Variants in AGBL4 observed in about 807,000 individuals in gnomAD.
AGBL4 encodes cytosolic carboxypeptidase 6.
A neutral mutation model predicts 66.4 loss-of-function variants in AGBL4; 58 were observed. The ratio of observed to expected loss-of-function variants is 0.87; its 90% CI spans 0.71 to 1.09. The LOEUF is 1.09. AGBL4 is among the 50% of genes least tolerant of loss of function. The pLI, the probability that AGBL4 is intolerant of heterozygous loss-of-function variation, is 0.00. For missense variants in AGBL4, 579 were observed against 631.0 expected, an observed-to-expected ratio of 0.92 and a Z score of 0.88; for synonymous variants, 234 against 222.9, an observed-to-expected ratio of 1.05 and a Z score of -0.44.
At chr1:49,364,553 C>CTGCA (rs895330260) in intron 3 of AGBL4, among the ~76,000 whole-genome samples, 1 of 152,044 alleles carries the variant, frequency 6.6e-6, no homozygotes, top group Middle Eastern at 3.4e-3. Context: ...TCTCAGCTTG[C>CTGCA]TGCAACCTCT....
intron 1 of AGBL4, among the ~76,000 whole-genome samples, chr1:50,018,386 C>T (rs1662152161): frequency 6.6e-6 from 1 of 152,056 alleles, no homozygotes; most frequent in East Asian, 1.9e-4. Flanking sequence ...ATGGTGAACA[C>T]TATCAATGAA....
chr1:48,763,254 G>A (rs1481140816), intron 6 of AGBL4, among the ~76,000 whole-genome samples: 1 of 152,080 alleles, frequency 6.6e-6, no homozygotes, highest in Non-Finnish European at 1.5e-5. Flanking sequence ...AGCAATCCTT[G>A]GGTTCCTATT....
chr1:50,001,929 A>G (rs955937828), intron 1 of AGBL4, among the ~76,000 whole-genome samples: 4 of 152,178 alleles, frequency 2.6e-5, no homozygotes, highest in African/African-American at 7.2e-5. Flanking sequence ...CTGGTCTAAG[A>G]GAAACTTAAT....
intron 12 of AGBL4, among the ~76,000 whole-genome samples, chr1:48,538,345 A>G (rs997658473): frequency 6.6e-6 from 1 of 152,190 alleles, no homozygotes. Flanking sequence ...GCTGGGCACT[A>G]TACTAAGCTT....
intron 4 of AGBL4, among the ~76,000 whole-genome samples, chr1:49,072,315 G>A (rs900852767): frequency 1.3e-5 from 2 of 152,164 alleles, no homozygotes; most frequent in Non-Finnish European, 2.9e-5. Flanking sequence ...TTGCCCATTA[G>A]TTGATGCTGT....
rs561274262 is a variant in AGBL4 at position 49,852,584 on chromosome 1, C to G, written c.35-1066G>C. On this transcript the variant is annotated intron_variant, in intron 1 of 13. Transcript: ENST00000371839. ...GGCATGAAGTCTCTTATGGGAAAAA[C>G]AGCCTTACACGACTAGGGGAGAAAT... Among the ~76,000 whole-genome samples the G allele has an allele frequency of 4.6e-5, 7 of 152,194 alleles. No individual in the cohort carries two copies. In the South Asian group the frequency reaches 1.0e-3, roughly 23 times the overall value.
At chr1:49,619,056 C>T (rs1645306112) in intron 3 of AGBL4, among the ~76,000 whole-genome samples, 1 of 152,060 alleles carries the variant, frequency 6.6e-6, no homozygotes, top group Non-Finnish European at 1.5e-5. Flanking sequence ...CGAAAACTGG[C>T]AAAAGACAAG....
intron 1 of AGBL4, among the ~76,000 whole-genome samples, chr1:49,916,216 G>A (rs993688917): frequency 4.6e-5 from 7 of 152,152 alleles, no homozygotes; most frequent in East Asian, 1.9e-4. Context: ...CGCCAGCAAC[G>A]GAACAAAGCT....
chr1:48,555,290 A>G (rs1644305233), intron 11 of AGBL4, among the ~76,000 whole-genome samples: 1 of 152,164 alleles, frequency 6.6e-6, no homozygotes, highest in South Asian at 2.1e-4. Context: ...CAGGAATACA[A>G]TTGCATACAA....
chr1:49,324,928 G>T lies in AGBL4; in HGVS notation c.283-79064C>A, dbSNP rs746603993. On this transcript the variant is annotated intron_variant, in intron 3 of 13. Coordinates refer to ENST00000371839, the MANE Select transcript of AGBL4 (RefSeq NM_032785.4). ...ACACAGTCCTTATATTAGGAACATG[G>T]AGAGAAAAAAGGAGGAATATTGTCA... 2.0e-5 allele frequency among the ~76,000 whole-genome samples: 3 copies of T among 152,084 alleles called. No individual in the cohort carries two copies. In the East Asian group the frequency reaches 5.8e-4, roughly 29 times the overall value.
intron 1 of AGBL4, among the ~76,000 whole-genome samples, chr1:50,018,454 T>G (rs1662158071): frequency 6.6e-6 from 1 of 152,140 alleles, no homozygotes; most frequent in African/African-American, 2.4e-5. Context: ...CAAATTCATC[T>G]AAGAATGAAA....
intron 4 of AGBL4, among the ~76,000 whole-genome samples, chr1:49,109,076 A>C (rs1645354812): frequency 6.6e-6 from 1 of 152,172 alleles, no homozygotes; most frequent in Admixed American, 6.5e-5. Context: ...CCTTTTTCAA[A>C]AAACTTTACC....
intron 3 of AGBL4, among the ~76,000 whole-genome samples, chr1:49,584,920 G>C (rs979510572): frequency 6.6e-6 from 1 of 152,156 alleles, no homozygotes; most frequent in Non-Finnish European, 1.5e-5. Context: ...CAGCTTGTAA[G>C]TTGCAGAACC....
intron 3 of AGBL4, among the ~76,000 whole-genome samples, chr1:49,466,026 T>C (rs183665009): frequency 6.6e-6 from 1 of 151,882 alleles, no homozygotes; most frequent in Admixed American, 6.6e-5. Context: ...AGGCCCATGG[T>C]AGAGTAGCAT....
At chr1:49,878,292 C>G (rs947784144) in intron 1 of AGBL4, among the ~76,000 whole-genome samples, 4 of 149,624 alleles carry the variant, frequency 2.7e-5, no homozygotes, top group Admixed American at 6.7e-5. Flanking sequence ...CTCTTGTGGG[C>G]ATTTAGTGCT....
At chr1:49,343,036 A>AAAAG (rs1645571455) in intron 3 of AGBL4, among the ~76,000 whole-genome samples, 1 of 152,164 alleles carries the variant, frequency 6.6e-6, no homozygotes, top group Non-Finnish European at 1.5e-5. Flanking sequence ...CAACCAAGCT[A>AAAAG]TACATATATT....
chr1:49,672,280 A>G (rs1646492071), intron 3 of AGBL4, among the ~76,000 whole-genome samples: 1 of 151,872 alleles, frequency 6.6e-6, no homozygotes, highest in Admixed American at 6.6e-5. Flanking sequence ...TGAGAGCTAA[A>G]TGATAAGAAC....
chr1:49,227,017 C>A (rs963646360), intron 4 of AGBL4, among the ~76,000 whole-genome samples: 6 of 152,080 alleles, frequency 3.9e-5, no homozygotes, highest in African/African-American at 1.4e-4. Flanking sequence ...TCCCATTCAC[C>A]AAGGCTCCAC....
rs10568742 is a variant in AGBL4, at chr1:48,543,381, A to ACCAT, written c.1268-3647_1268-3644dup. Among the ~76,000 whole-genome samples, 693 of 148,610 alleles carry ACCAT rather than the reference A, an allele frequency of 4.7e-3. 2 individuals carry two copies. Among genetic ancestry groups the ACCAT allele is most frequent in the Admixed American group, 6.7e-3 (99 of 14,880 alleles). On this transcript the variant is annotated intron_variant, in intron 11 of 13. Transcript: ENST00000371839. The stretch of plus-strand genomic sequence containing the variant: ...GTGAGTAACAGTGCAGAAATGATTT[A>ACCAT]CCATCCATCCATCCATCCATCCATC...
Sources: gnomAD v4.1 joint callset for allele counts (sites outside exome capture counted in the v4.1 genomes callset) on GRCh38, gnomAD v4.1.1 for gene constraint, MANE v1.5 for transcripts, NCBI Gene and HGNC (gene_info 2026-07-23, HGNC 2026-07-21) for gene names.